FANCD2OS: variants seen among roughly 807,000 people sequenced by gnomAD.
FANCD2OS encodes the protein FANCD2 opposite strand protein.
In FANCD2OS, 11 loss-of-function variants were observed where a neutral mutation model predicts 13.2. That is an observed-to-expected ratio of 0.83 (90% CI 0.52 to 1.38). The LOEUF (loss-of-function observed/expected upper bound fraction) is 1.38. Ranked by LOEUF, FANCD2OS falls within the 40% of genes most tolerant of loss-of-function variation. The pLI, the probability that FANCD2OS is intolerant of heterozygous loss-of-function variation, is 0.00. For synonymous variants in FANCD2OS, 69 were observed against 84.5 expected, an observed-to-expected ratio of 0.82 and a Z score of 1.01; for missense variants, 217 against 213.9, an observed-to-expected ratio of 1.01 and a Z score of -0.09.
chr3:10,101,732 T>G (rs1378976970), downstream of FANCD2OS: 1 of 250,752 alleles, frequency 4.0e-6, no homozygotes, highest in African/African-American at 2.2e-5. Context: ...ACATCATGGA[T>G]TGTCTAACAC....
chr3:10,105,834 G>C (rs1340148518), intron 1 of FANCD2OS, among the ~76,000 whole-genome samples: 1 of 117,982 alleles, frequency 8.5e-6, no homozygotes, highest in African/African-American at 3.0e-5. Context: ...TGAGGTTCGC[G>C]ATGTATGAAC....
chr3:10,095,181 A>C (rs200544843), intron 2 of FANCD2OS: 1 of 1,602,050 alleles, frequency 6.2e-7, no homozygotes, highest in Non-Finnish European at 8.6e-7. Flanking sequence ...TAGAGCATTT[A>C]TAAACTTATT....
chr3:10,088,466 T>G lies in FANCD2OS; in HGVS notation c.*44-6935A>C, dbSNP rs993970736. On this transcript the variant is annotated intron_variant, in intron 2 of 2. Coordinates refer to the FANCD2OS transcript ENST00000524279. ...TCTAACAGCTTCCCTTGCCAGACAA[T>G]TCCTCTGTCGGGTGTGGCCAAGTGG... is the stretch of plus-strand genomic sequence containing the variant. 1.2e-6 allele frequency: 2 copies of G among 1,609,156 alleles called. No individual in the cohort carries two copies. The highest frequency in any genetic ancestry group is 1.7e-6 in the Non-Finnish European group (2 of 1,175,466).
upstream of FANCD2OS, among the ~76,000 whole-genome samples, chr3:10,108,452 G>A (rs1242788688): frequency 6.6e-6 from 1 of 152,172 alleles, no homozygotes; most frequent in African/African-American, 2.4e-5. Flanking sequence ...AGGAGGGCTG[G>A]TCCGAATCCT....
chr3:10,081,496 G>T lies in FANCD2OS; in HGVS notation c.*79C>A, dbSNP rs765934352. The T allele has an allele frequency of 2.9e-6, 4 of 1,401,770 alleles. No homozygotes were observed. In the East Asian group the frequency reaches 6.8e-5, roughly 24 times the overall value. 86.8% of individuals were successfully genotyped at this position (1,401,770 alleles called of 1,614,324 possible). On this transcript the variant is annotated 3_prime_UTR_variant, in exon 3 of 3. Transcript: ENST00000524279. ...ATGTGGGAAGTGTGGAGAGAACTGA[G>T]TATATACTTGCTTTTATTTGACAGT...
At chr3:10,107,953 A>G (rs1695547471) in intron 1 of FANCD2OS, 62 bp downstream of exon 1, 1 of 152,258 alleles carries the variant, frequency 6.6e-6, no homozygotes, top group African/African-American at 2.4e-5. Context: ...TCCTGGCCAA[A>G]AAGGTTTCCC....
At chr3:10,093,403 G>A in intron 2 of FANCD2OS, 1 of 1,238,468 alleles carries the variant, frequency 8.1e-7, no homozygotes. Context: ...GAGATAAATT[G>A]CTCAATTTCT....
chr3:10,100,163 G>C (rs980325898), downstream of FANCD2OS, among the ~76,000 whole-genome samples: 1 of 152,214 alleles, frequency 6.6e-6, no homozygotes, highest in Non-Finnish European at 1.5e-5. Context: ...CTGGATGACA[G>C]AGCGAGACCC....
rs772092834 is a variant in FANCD2OS, at chr3:10,085,828, C to A, written c.*44-4297G>T. The A allele has an allele frequency of 5.6e-6, 9 of 1,612,338 alleles. No individual in the cohort carries two copies. The highest frequency in any genetic ancestry group is 7.6e-6 in the Non-Finnish European group (9 of 1,178,484). On this transcript the variant is annotated intron_variant, in intron 2 of 2. Transcript: ENST00000524279. ...CTTCCTTAGGAGTGGATTTTCTCAA[C>A]CTGAAAATCAGAATTTACTGTATTC...
downstream of FANCD2OS, chr3:10,101,150 A>C (rs1695275358): frequency 6.7e-7 from 1 of 1,485,136 alleles, no homozygotes; most frequent in East Asian, 2.3e-5. Flanking sequence ...CCAGAGCAGT[A>C]ACCTAAAATG....
intron 2 of FANCD2OS, among the ~76,000 whole-genome samples, chr3:10,093,047 T>G (rs547136922): frequency 2.6e-5 from 4 of 152,186 alleles, no homozygotes; most frequent in Non-Finnish European, 5.9e-5. Context: ...AATAATGCCA[T>G]CTTCTCAACA....
rs1273519317 is a variant in FANCD2OS at position 10,088,832 on chromosome 3, T to C, written c.*44-7301A>G. 1 of 1,614,094 alleles carries C rather than the reference T, an allele frequency of 6.2e-7. No homozygotes were observed. Among genetic ancestry groups the C allele is most frequent in the African/African-American group, 1.3e-5 (1 of 75,062 alleles). On this transcript the variant is annotated intron_variant, in intron 2 of 2. Coordinates refer to the FANCD2OS transcript ENST00000524279. Reference sequence around the variant, plus strand: ...AATATTTGACTCTCAATGCAGTATCTACCTGGAGCACACAGAGAGCATTCT... The same window carrying C: ...AATATTTGACTCTCAATGCAGTATCCACCTGGAGCACACAGAGAGCATTCT...
intron 2 of FANCD2OS, among the ~76,000 whole-genome samples, chr3:10,091,304 C>T (rs1413722692): frequency 6.6e-6 from 1 of 151,654 alleles, no homozygotes; most frequent in Non-Finnish European, 1.5e-5. Flanking sequence ...TGGTCTTGAA[C>T]TCATAGGCTC....
In FANCD2OS at chr3:10,087,116, T is replaced by A. The variant is rs189299621; in HGVS notation, c.*44-5585A>T. 8 of 1,613,940 alleles carry A rather than the reference T, an allele frequency of 5.0e-6. No homozygotes were observed. In the East Asian group the frequency reaches 1.8e-4, roughly 36 times the overall value. On this transcript the variant is annotated intron_variant, in intron 2 of 2. Transcript: ENST00000524279. Reference sequence around the variant, plus strand: ...TAGGATACTATTGCATTTGTTTGTTTTTCTTGTCTCCTTACAGCCAGAGCG... The same window carrying A: ...TAGGATACTATTGCATTTGTTTGTTATTCTTGTCTCCTTACAGCCAGAGCG...
At chr3:10,103,292 C>T (rs1224715557), downstream of FANCD2OS, among the ~76,000 whole-genome samples, 2 of 152,064 alleles carry the variant, frequency 1.3e-5, no homozygotes, top group African/African-American at 4.8e-5. Context: ...ATCCCAGCTA[C>T]TAGGGAGGCT....
chr3:10,101,087 C>A, downstream of FANCD2OS: 17 of 853,612 alleles, frequency 2.0e-5, no homozygotes, highest in Non-Finnish European at 2.8e-5. Context: ...AAAGTTTTAA[C>A]AGTGATAATA....
chr3:10,089,555 C>T (rs987153314), intron 2 of FANCD2OS, among the ~76,000 whole-genome samples: 3 of 152,050 alleles, frequency 2.0e-5, no homozygotes, highest in Non-Finnish European at 2.9e-5. Context: ...CTGCAACCTC[C>T]ACCTCCTGGG....
chr3:10,103,958 T>G lies in FANCD2OS; in HGVS notation c.*283A>C. On this transcript the variant is annotated 3_prime_UTR_variant, in exon 2 of 2. Transcript: ENST00000450660. ...TTTATGTGAGTTCACACTAGGCTCA[T>G]TGGTTTATATCATTTGTTTAACGGT... 5 of 370,494 alleles carry G rather than the reference T, an allele frequency of 1.3e-5. No individual in the cohort carries two copies. Among genetic ancestry groups the G allele is most frequent in the Non-Finnish European group, 1.9e-5 (4 of 206,420 alleles). 23.0% of individuals were successfully genotyped at this position (370,494 alleles called of 1,614,324 possible).
chr3:10,087,658 T>C (rs1694300402), intron 2 of FANCD2OS, among the ~76,000 whole-genome samples: 1 of 151,944 alleles, frequency 6.6e-6, no homozygotes, highest in Non-Finnish European at 1.5e-5. Flanking sequence ...GCCTTTTTCT[T>C]TTTTTTTGAG....
Sources: allele counts gnomAD v4.1 joint callset (sites outside exome capture counted in the v4.1 genomes callset), GRCh38; gene constraint gnomAD v4.1.1; transcripts MANE v1.5; gene names NCBI Gene and HGNC (gene_info 2026-07-23, HGNC 2026-07-21).